The following LTBP1 variants were observed in gnomAD, a reference collection of about 807,000 sequenced individuals.
The protein encoded by LTBP1 is latent-transforming growth factor beta-binding protein 1.
Under a neutral mutation model 207.6 loss-of-function variants are expected in LTBP1, and 129 were observed. The ratio of observed to expected loss-of-function variants is 0.62; its 90% CI spans 0.54 to 0.72. The LOEUF (loss-of-function observed/expected upper bound fraction) is 0.72, where lower values mean the gene tolerates loss of function less well. Among genes scored for constraint, LTBP1 ranks in the 30% least tolerant of loss-of-function variants. The pLI, the probability that LTBP1 is intolerant of heterozygous loss-of-function variation, is 0.00. For missense variants in LTBP1, 2,281 were observed against 2,217.2 expected, an observed-to-expected ratio of 1.03 and a Z score of -0.58; for synonymous variants, 963 against 833.7, an observed-to-expected ratio of 1.16 and a Z score of -2.67.
At chr2:33,129,223 C>G (rs1359860673) in intron 4 of LTBP1, among the ~76,000 whole-genome samples, 1 of 152,138 alleles carries the variant, frequency 6.6e-6, no homozygotes, top group Non-Finnish European at 1.5e-5. Context: ...AAATATTTTT[C>G]TTTAACATTA....
intron 5 of LTBP1, among the ~76,000 whole-genome samples, chr2:33,178,294 T>C (rs2148621735): frequency 6.6e-6 from 1 of 152,278 alleles, no homozygotes; most frequent in African/African-American, 2.4e-5. Flanking sequence ...TGGAATTTTA[T>C]GACATGCCTA....
Position 33,373,897 on chromosome 2 carries a change from G to C in LTBP1, c.4711+8394G>C, listed in dbSNP as rs180794977. On this transcript the variant is annotated intron_variant, in intron 31 of 33. Coordinates refer to ENST00000404816, the MANE Select transcript of LTBP1 (RefSeq NM_206943.4). ...TACTTTAATAAATTCACCATTTGCT[G>C]TGACAGAAAATTTTTCAATCCTTCC... Among the ~76,000 whole-genome samples, 54 of 152,260 alleles carry C rather than the reference G, an allele frequency of 3.5e-4. 1 individual carries two copies. In the East Asian group the frequency reaches 9.7e-3, roughly 27 times the overall value.
chr2:33,188,461 G>A (rs74695827), intron 6 of LTBP1, 116 bp from the exon 7 acceptor site: 14,753 of 632,800 alleles, frequency 0.023, 238 homozygotes, highest in East Asian at 0.046. Context: ...TGATGGCTAT[G>A]CAGCAAAATG....
At chr2:33,200,615 A>G (rs889092354) in intron 7 of LTBP1, among the ~76,000 whole-genome samples, 1 of 152,236 alleles carries the variant, frequency 6.6e-6, no homozygotes, top group Non-Finnish European at 1.5e-5. Flanking sequence ...CAAAAGCCAA[A>G]ATTGACAAAT....
chr2:33,367,991 G>A (rs1313862266), intron 31 of LTBP1, among the ~76,000 whole-genome samples: 3 of 152,170 alleles, frequency 2.0e-5, no homozygotes, highest in African/African-American at 7.2e-5. Flanking sequence ...GAGGCGGGCG[G>A]ATCATGAGGT....
At chr2:33,198,734 C>T (rs7581446) in intron 7 of LTBP1, among the ~76,000 whole-genome samples, 66,116 of 151,824 alleles carry the variant, frequency 0.44, 14,737 homozygotes, top group Non-Finnish European at 0.48. Flanking sequence ...TCTGTGGGAT[C>T]GGTGGTGATA....
At chr2:33,275,730 G>A (rs1010792363) in intron 17 of LTBP1, 71 bp from the exon 18 acceptor site, 1 of 1,572,180 alleles carries the variant, frequency 6.4e-7, no homozygotes, top group Non-Finnish European at 8.7e-7. Flanking sequence ...TTTGAGCTAA[G>A]CTGGGAGATG....
intron 22 of LTBP1, among the ~76,000 whole-genome samples, chr2:33,307,262 C>A (rs2094113302): frequency 6.6e-6 from 1 of 152,148 alleles, no homozygotes; most frequent in South Asian, 2.1e-4. Flanking sequence ...ATTCCATGAC[C>A]CATGCATCGT....
chr2:33,029,146 T>G (rs555724421), intron 3 of LTBP1, among the ~76,000 whole-genome samples: 22 of 152,318 alleles, frequency 1.4e-4, no homozygotes, highest in South Asian at 6.2e-4. Flanking sequence ...TTAATCAATA[T>G]TAGTATCTTT....
In LTBP1 at chr2:33,259,169, A is replaced by C. The variant is rs112477412; in HGVS notation, c.2396-419A>C. Among the ~76,000 whole-genome samples the C allele has an allele frequency of 1.0e-2, 1,519 of 152,310 alleles. 19 individuals carry two copies. The highest frequency in any genetic ancestry group is 0.034 in the African/African-American group (1,429 of 41,558). ...GAAATAAGTGACATTCTTTTTTAAC[A>C]CTTGACACCAGAAAGCATTTCAAAC... On this transcript the variant is annotated intron_variant, in intron 12 of 33. Coordinates refer to ENST00000404816, the MANE Select transcript of LTBP1 (RefSeq NM_206943.4).
chr2:33,092,152 C>T (rs1440577495), intron 3 of LTBP1, among the ~76,000 whole-genome samples: 1 of 152,180 alleles, frequency 6.6e-6, no homozygotes, highest in African/African-American at 2.4e-5. Flanking sequence ...CAAAAACACA[C>T]CTTGTGCTGT....
intron 3 of LTBP1, among the ~76,000 whole-genome samples, chr2:33,094,173 ATTTAT>A (rs1206103064): frequency 6.6e-6 from 1 of 152,164 alleles, no homozygotes; most frequent in African/African-American, 2.4e-5. Context: ...TTTGGAATAA[ATTTAT>A]TTTGTATCTC....
In LTBP1 at chr2:33,263,295, A is replaced by G; in HGVS notation, c.2520A>G (p.Val840=). 6.3e-7 allele frequency: 1 copy of G among 1,598,542 alleles called. No homozygotes were observed. Among genetic ancestry groups the G allele is most frequent in the East Asian group, 2.2e-5 (1 of 44,794 alleles). ...TTTATCCTCTGCTTCCTCATATAGT[A>G]GTGATTGAAAAAACATCACCTCCTG... ...STIHLHPQFP[V]VIEKTSPPVP... Residue 840 remains valine, a splice_region_variant and synonymous_variant, in exon 15 of 34, where the codon GTA becomes GTG. Coordinates refer to ENST00000404816, the MANE Select transcript of LTBP1 (RefSeq NM_206943.4).
At chr2:33,237,699 A>G (rs1034339547) in intron 9 of LTBP1, among the ~76,000 whole-genome samples, 2 of 152,138 alleles carry the variant, frequency 1.3e-5, no homozygotes, top group Non-Finnish European at 2.9e-5. Flanking sequence ...CTGTGACTCT[A>G]TCCTGGGGTT....
intron 18 of LTBP1, among the ~76,000 whole-genome samples, chr2:33,277,815 T>C (rs1410925965): frequency 7.7e-3 from 648 of 84,218 alleles, no homozygotes; most frequent in Middle Eastern, 0.016. Flanking sequence ...CTTTCTTTTT[T>C]TCTTTCTTTC....
intron 26 of LTBP1, among the ~76,000 whole-genome samples, chr2:33,360,311 ACT>A (rs1337644883): frequency 6.6e-6 from 1 of 152,092 alleles, no homozygotes; most frequent in Non-Finnish European, 1.5e-5. Context: ...AGATATGGAA[ACT>A]CTACTCACAG....
At chr2:33,299,208 C>T (rs2093938338) in intron 20 of LTBP1, among the ~76,000 whole-genome samples, 1 of 150,116 alleles carries the variant, frequency 6.7e-6, no homozygotes, top group Non-Finnish European at 1.5e-5. Flanking sequence ...CGCCACTGCA[C>T]TCCAGCTTGG....
At chr2:33,397,588 A>G (rs1484998582) in intron 33 of LTBP1, among the ~76,000 whole-genome samples, 6 of 142,766 alleles carry the variant, frequency 4.2e-5, no homozygotes, top group Non-Finnish European at 7.5e-5. Context: ...ACTCACTGCA[A>G]CTTCTGCCTC....
chr2:33,023,103 A>G (rs140838627), intron 3 of LTBP1, among the ~76,000 whole-genome samples: 1 of 152,338 alleles, frequency 6.6e-6, no homozygotes, highest in Admixed American at 6.5e-5. Flanking sequence ...ATTATATCAT[A>G]GCTAGACATC....
Sources: allele counts gnomAD v4.1 joint callset (sites outside exome capture counted in the v4.1 genomes callset), GRCh38; gene constraint gnomAD v4.1.1; transcripts MANE v1.5; gene names NCBI Gene and HGNC (gene_info 2026-07-23, HGNC 2026-07-21).